The following JAKMIP3 variants were observed in gnomAD, a reference collection of about 807,000 sequenced individuals.
JAKMIP3 encodes the protein janus kinase and microtubule-interacting protein 3.
Under a neutral mutation model 118.5 loss-of-function variants are expected in JAKMIP3, and 58 were observed. The ratio of observed to expected loss-of-function variants is 0.49; its 90% CI spans 0.40 to 0.61. The LOEUF (loss-of-function observed/expected upper bound fraction) is 0.61. Among genes scored for constraint, JAKMIP3 ranks in the 20% least tolerant of loss-of-function variants. JAKMIP3 has a pLI of 0.00. For missense variants in JAKMIP3, 950 were observed against 1,109.0 expected, an observed-to-expected ratio of 0.86 and a Z score of 2.04; for synonymous variants, 486 against 451.2, an observed-to-expected ratio of 1.08 and a Z score of -0.98.
At chr10:132,078,900 G>T (rs749542092) in intron 1 of JAKMIP3, among the ~76,000 whole-genome samples, 1 of 152,214 alleles carries the variant, frequency 6.6e-6, no homozygotes, top group Non-Finnish European at 1.5e-5. Context: ...GGCCGTGGCC[G>T]CCGTGCGCCC....
chr10:132,127,670 C>G (rs2049888955), intron 3 of JAKMIP3, among the ~76,000 whole-genome samples: 1 of 151,864 alleles, frequency 6.6e-6, no homozygotes. Flanking sequence ...TCCCCCTGTT[C>G]CTTTTTTTTC....
At position 132,137,160 on chromosome 10, in the gene JAKMIP3, G is replaced by A. The variant is rs533727645; in HGVS notation, c.1248+10G>A. 3.5e-5 allele frequency: 56 copies of A among 1,613,894 alleles called. No homozygotes were observed. The South Asian group carries it at 4.8e-4, about 14-fold the overall frequency. Reference sequence around the variant, plus strand: ...AGATGAACTGTCTAAGGTACCCGGCGGGCTGTTTGCTGCGGCCCCGTCCTC... The same window carrying A: ...AGATGAACTGTCTAAGGTACCCGGCAGGCTGTTTGCTGCGGCCCCGTCCTC... On this transcript the variant is annotated intron_variant, in intron 7 of 23. Transcript: ENST00000684848.
At chr10:132,153,361 A>G (rs2136217676) in intron 17 of JAKMIP3, among the ~76,000 whole-genome samples, 1 of 152,268 alleles carries the variant, frequency 6.6e-6, no homozygotes, top group Middle Eastern at 3.4e-3. Context: ...ACCTGCTCCT[A>G]GTCCCACCCC....
At chr10:132,051,929 A>G (rs928727043) in intron 1 of JAKMIP3, among the ~76,000 whole-genome samples, 5 of 152,258 alleles carry the variant, frequency 3.3e-5, no homozygotes, top group Non-Finnish European at 5.9e-5. Context: ...TTCTAAAAGC[A>G]TATTTAAAAC....
At chr10:132,119,743 G>T (rs2048249434) in intron 3 of JAKMIP3, among the ~76,000 whole-genome samples, 1 of 152,150 alleles carries the variant, frequency 6.6e-6, no homozygotes, top group East Asian at 1.9e-4. Context: ...AGAACTGTTG[G>T]AATTTTGGGT....
At chr10:132,153,048 G>T (rs56317371) in intron 17 of JAKMIP3, 25 bp downstream of exon 17, 1 of 1,586,482 alleles carries the variant, frequency 6.3e-7, no homozygotes. Flanking sequence ...GTGGACAGTC[G>T]GGAGAGGGCC....
At chr10:132,055,523 G>A (rs749413405) in intron 1 of JAKMIP3, among the ~76,000 whole-genome samples, 8 of 152,346 alleles carry the variant, frequency 5.3e-5, no homozygotes, top group South Asian at 2.1e-4. Flanking sequence ...AAGCCCGCAG[G>A]CCATGATGAA....
At chr10:132,087,749 G>A (rs1033440882) in intron 1 of JAKMIP3, among the ~76,000 whole-genome samples, 4 of 151,080 alleles carry the variant, frequency 2.6e-5, no homozygotes, top group African/African-American at 9.8e-5. Flanking sequence ...GGGTTCATGT[G>A]CACAACGTGC....
chr10:132,150,979 A>G (rs544027648), intron 16 of JAKMIP3, among the ~76,000 whole-genome samples: 1 of 151,442 alleles, frequency 6.6e-6, no homozygotes, highest in South Asian at 2.1e-4. Flanking sequence ...TCCCTAATCC[A>G]TTCATTCTCC....
chr10:132,068,838 A>G (rs1328879722), intron 1 of JAKMIP3, among the ~76,000 whole-genome samples: 1 of 152,182 alleles, frequency 6.6e-6, no homozygotes, highest in Non-Finnish European at 1.5e-5. Context: ...AAGCAAGCAC[A>G]GCTGGCAGGG....
intron 3 of JAKMIP3, among the ~76,000 whole-genome samples, chr10:132,119,542 G>T (rs1294439534): frequency 3.3e-5 from 5 of 152,110 alleles, no homozygotes; most frequent in Non-Finnish European, 7.4e-5. Context: ...TTACAAGAGT[G>T]GACTTTCTGG....
intron 1 of JAKMIP3, among the ~76,000 whole-genome samples, chr10:132,097,315 C>T (rs1027119209): frequency 4.6e-5 from 7 of 152,076 alleles, no homozygotes; most frequent in Non-Finnish European, 8.8e-5. Context: ...CACTCTGCGG[C>T]GAGAAGGGTG....
rs183806512 is a variant in JAKMIP3, at chr10:132,183,528, G to A, written c.*2275G>A. ...GTAATAATAATAAGGCAAACTATAC[G>A]GCAAAGAGAAGCATGTAAATATGTA... On this transcript the variant is annotated 3_prime_UTR_variant, in exon 24 of 24. Transcript: ENST00000684848. 10 of 152,184 alleles carry A rather than the reference G, an allele frequency of 6.6e-5. No individual in the cohort carries two copies. Among genetic ancestry groups the A allele is most frequent in the African/African-American group, 2.2e-4 (9 of 41,502 alleles). 9.4% of individuals were successfully genotyped at this position (152,184 alleles called of 1,614,324 possible). A position where few individuals can be genotyped will look rare whatever the true frequency, so the allele number is the denominator to read the frequency against.
intron 8 of JAKMIP3, 34 bp downstream of exon 8, chr10:132,137,323 C>T: frequency 1.2e-6 from 2 of 1,613,128 alleles, no homozygotes; most frequent in Admixed American, 1.7e-5. Flanking sequence ...CCCCACGCCT[C>T]CGCTCCCCAC....
chr10:132,177,906 CTG>C (rs1359916204), intron 23 of JAKMIP3, among the ~76,000 whole-genome samples: 3 of 145,796 alleles, frequency 2.1e-5, no homozygotes, highest in Admixed American at 6.9e-5. Context: ...TGTGTGCACA[CTG>C]TGCATTTGGT....
rs780173989 is a variant in JAKMIP3, at chr10:132,117,122, C to T, written c.181C>T (p.Arg61Cys). 1.1e-5 allele frequency: 17 copies of T among 1,612,734 alleles called. No individual in the cohort carries two copies. Among genetic ancestry groups the T allele is most frequent in the Non-Finnish European group, 1.4e-5 (16 of 1,179,262 alleles). ...REKNQELRQV[R>C]EHEQHKTAVL... ...GAAGAACCAGGAGCTGCGGCAGGTG[C>T]GCGAGCATGAGCAGCATAAGACCGC... The change falls in exon 3 of 24, where the codon CGC (arginine) becomes TGC (cysteine). Residue 61 changes from arginine to cysteine, a missense_variant. Coordinates refer to ENST00000684848, the MANE Select transcript of JAKMIP3 (RefSeq NM_001323087.2). The surrounding 1 kb of genome is among the most constrained non-coding windows in gnomAD (Gnocchi z 8.6).
chr10:132,057,515 C>T (rs9419332), intron 1 of JAKMIP3, among the ~76,000 whole-genome samples: 84,517 of 152,112 alleles, frequency 0.56, 23,882 homozygotes, highest in East Asian at 0.72. Context: ...CACGCTGCCC[C>T]GCCGGTTAGT....
chr10:132,045,991 C>A (rs1426683758), intron 1 of JAKMIP3, among the ~76,000 whole-genome samples: 1 of 151,428 alleles, frequency 6.6e-6, no homozygotes, highest in Non-Finnish European at 1.5e-5. Context: ...AATTTACACA[C>A]AATGAAATGC....
rs201588871 is a variant in JAKMIP3, at chr10:132,180,976, CAT to C, written c.*1104-1380_*1104-1379del. On this transcript the variant is annotated intron_variant, in intron 23 of 23. Coordinates refer to ENST00000684848, the MANE Select transcript of JAKMIP3 (RefSeq NM_001323087.2). ...AGTGCATTTGTGCGTATTGTGTGGG[CAT>C]GTGTGTGTAGTGTATTGTGTGTACA... Among the ~76,000 whole-genome samples the C allele has an allele frequency of 6.7e-3, 1,010 of 150,030 alleles. 5 individuals carry two copies. The highest frequency in any genetic ancestry group is 0.01 in the Non-Finnish European group (671 of 66,960).
Sources: gnomAD v4.1 joint callset for allele counts (sites outside exome capture counted in the v4.1 genomes callset) on GRCh38, gnomAD v4.1.1 for gene constraint, Gnocchi (gnomAD v3.1) non-coding constraint, MANE v1.5 for transcripts, NCBI Gene and HGNC (gene_info 2026-07-23, HGNC 2026-07-21) for gene names.